FANCM: variants seen among roughly 807,000 people sequenced by gnomAD.
FANCM encodes the protein FA complementation group M.
In FANCM, 140 loss-of-function variants were observed where a neutral mutation model predicts 199.5. The ratio of observed to expected loss-of-function variants is 0.70; its 90% CI spans 0.61 to 0.81. FANCM has a LOEUF of 0.81. Among genes scored for constraint, FANCM ranks in the 30% least tolerant of loss-of-function variants. The pLI is 0.00. For synonymous variants in FANCM, 840 were observed against 836.8 expected (o/e 1.00, Z -0.07); for missense variants, 2,410 against 2,421.4 (o/e 1.00, Z 0.10).
intron 21 of FANCM, among the ~76,000 whole-genome samples, chr14:45,197,546 C>T (rs1209159575): frequency 6.6e-6 from 1 of 151,160 alleles, no homozygotes; most frequent in Non-Finnish European, 1.5e-5. Flanking sequence ...CTCACTGCAA[C>T]CTCCACCTCC....
At chr14:45,182,916 G>A (rs1889158853) in intron 16 of FANCM, among the ~76,000 whole-genome samples, 1 of 152,126 alleles carries the variant, frequency 6.6e-6, no homozygotes, top group Admixed American at 6.5e-5. Context: ...ATAATAAAAT[G>A]TTGAATATCT....
At chr14:45,173,003 T>C in intron 12 of FANCM, 52 bp from the exon 13 acceptor site, 1 of 1,366,378 alleles carries the variant, frequency 7.3e-7, no homozygotes, top group Non-Finnish European at 1.0e-6. Flanking sequence ...AAAATTAGTT[T>C]GTGAAATCTC....
chr14:45,188,998 A>T lies in FANCM; in HGVS notation c.4976A>T (p.His1659Leu), dbSNP rs1475874212. The change falls in exon 20 of 23, where the codon CAT becomes CTT. Residue 1659 changes from histidine to leucine, a missense_variant. Transcript: ENST00000267430. ...GAAATGATGGAACAAAATTGTGCACATTCAAAAAAGAAATTATCCAGAATT... is the reference window on the plus strand; with the variant it reads ...GAAATGATGGAACAAAATTGTGCACTTTCAAAAAAGAAATTATCCAGAATT... ...LKEMMEQNCA[H>L]SKKKLSRIIL... 6.2e-7 allele frequency: 1 copy of T among 1,614,112 alleles called. No homozygotes were observed. Among genetic ancestry groups the T allele is most frequent in the East Asian group, 2.2e-5 (1 of 44,866 alleles).
At chr14:45,187,518 C>A (rs1327174491) in intron 18 of FANCM, among the ~76,000 whole-genome samples, 3 of 151,980 alleles carry the variant, frequency 2.0e-5, no homozygotes, top group African/African-American at 7.2e-5. Flanking sequence ...CATTTTAATC[C>A]TCATTTTCAG....
chr14:45,142,076 C>G (rs899632794), intron 3 of FANCM, among the ~76,000 whole-genome samples: 1 of 152,010 alleles, frequency 6.6e-6, no homozygotes, highest in Admixed American at 6.6e-5. Flanking sequence ...TAGAAGTCTT[C>G]GTTTGGTCCT....
At chr14:45,165,852 A>T (rs1887932400) in intron 10 of FANCM, among the ~76,000 whole-genome samples, 1 of 152,164 alleles carries the variant, frequency 6.6e-6, no homozygotes, top group African/African-American at 2.4e-5. Context: ...TGTGCTGCGT[A>T]ATGTTCCAAG....
chr14:45,183,861 AGAAGAGGCATC>A lies in FANCM; in HGVS notation c.4475_4485del (p.Arg1492LysfsTer14), dbSNP rs1203548373. The A allele has an allele frequency of 6.2e-7, 1 of 1,611,856 alleles. No homozygotes were observed. Among genetic ancestry groups the A allele is most frequent in the Non-Finnish European group, 8.5e-7 (1 of 1,178,338 alleles). On this transcript the variant is annotated frameshift_variant, in exon 17 of 23. Coordinates refer to ENST00000267430, the MANE Select transcript of FANCM (RefSeq NM_020937.4). LOFTEE classifies it high-confidence loss of function. ...CTTCAAGGTTTGTAACGGGAATGCC[AGAAGAGGCATC>A]AAAGTCCCAAAGAGACAGAGTCACT...
At chr14:45,156,360 T>C (rs1887189456) in intron 8 of FANCM, among the ~76,000 whole-genome samples, 1 of 152,206 alleles carries the variant, frequency 6.6e-6, no homozygotes. Flanking sequence ...TTTTAATTTC[T>C]GAATATTTGT....
Position 45,136,092 on chromosome 14 carries a change from G to A in FANCM, c.61G>A (p.Gly21Arg). The change falls in exon 1 of 23, where the codon GGG (glycine) becomes AGG (arginine). Residue 21 changes from glycine to arginine, a missense_variant. Transcript: ENST00000267430. ...TWGSSISRSS[G>R]TPGCSSGTER... is the part of the protein sequence containing the mutation. The stretch of plus-strand genomic sequence containing the variant: ...GGGCTCAAGTATCTCCCGATCATCT[G>A]GGACTCCGGGTTGCAGCTCCGGAAC... 6.2e-7 allele frequency: 1 copy of A among 1,614,072 alleles called. No homozygotes were observed. Among genetic ancestry groups the A allele is most frequent in the Non-Finnish European group, 8.5e-7 (1 of 1,179,998 alleles).
rs942904244 is a variant in FANCM, at chr14:45,200,575, T to A, written c.*567T>A. 7 of 152,506 alleles carry A rather than the reference T, an allele frequency of 4.6e-5. 1 individual carries two copies. The highest frequency in any genetic ancestry group is 1.7e-4 in the African/African-American group (7 of 41,574). The allele number at this position is 152,506 out of a possible 1,614,324, so 9.4% of individuals were successfully genotyped here. A position where few individuals can be genotyped will look rare whatever the true frequency, so the allele number is the denominator to read the frequency against. ...CTGTCAAATCTATTAATATGAACTC[T>A]GATATGGTTTGGCTGTGTCCCCAAC... On this transcript the variant is annotated 3_prime_UTR_variant, in exon 23 of 23. Transcript: ENST00000267430.
chr14:45,196,370 G>T lies in FANCM; in HGVS notation c.5539G>T (p.Val1847Phe). Residue 1847 changes from valine to phenylalanine, a missense_variant, in exon 21 of 23, where the codon GTT (valine) becomes TTT (phenylalanine). Physicochemically the swap from Val to Phe is conservative, Grantham distance 50. Transcript: ENST00000267430. ...LRAIHGLQVE[V>F]CPLNGCDYIV... Reference sequence around the variant, plus strand: ...AGCAATTCATGGGTTGCAAGTAGAAGTTTGTCCTCTTAATGGCTGTGATTA... The same window carrying T: ...AGCAATTCATGGGTTGCAAGTAGAATTTTGTCCTCTTAATGGCTGTGATTA... 4 of 1,614,162 alleles carry T rather than the reference G, an allele frequency of 2.5e-6. No homozygotes were observed. The highest frequency in any genetic ancestry group is 1.6e-4 in the Middle Eastern group (1 of 6,062).
Position 45,200,133 on chromosome 14 carries a change from AC to A in FANCM, c.*126del, listed in dbSNP as rs1174076306. 6 of 358,266 alleles carry A rather than the reference AC, an allele frequency of 1.7e-5. No individual in the cohort carries two copies. In the Admixed American group the frequency reaches 2.6e-4, roughly 15 times the overall value. The allele number at this position is 358,266 out of a possible 1,614,324, so 22.2% of individuals were successfully genotyped here. Reference sequence around the variant, plus strand: ...TTTATTTAAATATTTTATATTGTATACATTTTTATTTATAGATTATAGAAAT... The same window carrying A: ...TTTATTTAAATATTTTATATTGTATAATTTTTATTTATAGATTATAGAAAT... On this transcript the variant is annotated 3_prime_UTR_variant, in exon 23 of 23. Coordinates refer to ENST00000267430, the MANE Select transcript of FANCM (RefSeq NM_020937.4).
At chr14:45,195,602 G>A (rs1339448971) in intron 20 of FANCM, 2 of 454,320 alleles carry the variant, frequency 4.4e-6, no homozygotes, top group Non-Finnish European at 8.9e-6. Flanking sequence ...TCTGACTTAA[G>A]TAACTTCCAA....
At chr14:45,192,630 G>A (rs1004291744) in intron 20 of FANCM, among the ~76,000 whole-genome samples, 1 of 151,954 alleles carries the variant, frequency 6.6e-6, no homozygotes, top group African/African-American at 2.4e-5. Context: ...GCAACATAGC[G>A]AGACTCCATC....
At chr14:45,150,063 G>C (rs1886707574) in intron 4 of FANCM, among the ~76,000 whole-genome samples, 1 of 152,188 alleles carries the variant, frequency 6.6e-6, no homozygotes, top group South Asian at 2.1e-4. Flanking sequence ...TTCATAATTA[G>C]TGTCATGGTT....
At position 45,175,479 on chromosome 14, in the gene FANCM, A is replaced by G. The variant is rs1475086312; in HGVS notation, c.2725A>G (p.Thr909Ala). The G allele has an allele frequency of 1.2e-6, 2 of 1,611,670 alleles. No homozygotes were observed. The highest frequency in any genetic ancestry group is 3.3e-5 in the Admixed American group (2 of 59,814). The change falls in exon 14 of 23, where the codon ACA (threonine) becomes GCA (alanine). Residue 909 changes from threonine to alanine, a missense_variant. Transcript: ENST00000267430. ...ATCAGATACAGATGAAATTGCTGCC[A>G]CATGTACTATTAATGAAAATGTTAT... Reference protein sequence around the residue: ...RTSDTDEIAATCTINENVIKE... With the variant: ...RTSDTDEIAAACTINENVIKE...
intron 2 of FANCM, chr14:45,137,569 AAATT>A (rs1885611384): frequency 1.6e-5 from 5 of 316,370 alleles, no homozygotes; most frequent in South Asian, 1.2e-4. Context: ...AGGAGTTTTG[AAATT>A]AATAAAGATT....
intron 21 of FANCM, chr14:45,198,370 TAC>T (rs1890182854): frequency 3.8e-6 from 1 of 264,354 alleles, no homozygotes. Flanking sequence ...AGATGAGTAA[TAC>T]AGTCTTGGCC....
intron 2 of FANCM, among the ~76,000 whole-genome samples, chr14:45,138,574 C>T (rs1159864143): frequency 6.6e-6 from 1 of 152,018 alleles, no homozygotes; most frequent in African/African-American, 2.4e-5. Flanking sequence ...TTGAGATCAG[C>T]TTGGGCAACA....
Sources: gnomAD v4.1 joint callset for allele counts (sites outside exome capture counted in the v4.1 genomes callset) on GRCh38, gnomAD v4.1.1 for gene constraint, MANE v1.5 for transcripts, NCBI Gene and HGNC (gene_info 2026-07-23, HGNC 2026-07-21) for gene names.